Variants in MCTP2 observed in about 807,000 individuals in gnomAD.
MCTP2 encodes multiple C2 and transmembrane domain-containing protein 2.
MCTP2 carries 132 observed loss-of-function variants against 111.6 expected under a neutral mutation model. The ratio of observed to expected loss-of-function variants is 1.18; its 90% CI spans 1.03 to 1.37. The LOEUF (loss-of-function observed/expected upper bound fraction) is 1.37. Among genes scored for constraint, MCTP2 ranks in the 40% most tolerant of loss-of-function variants. The pLI, the probability that MCTP2 is intolerant of heterozygous loss-of-function variation, is 0.00. For missense variants in MCTP2, 1,183 were observed against 1,067.9 expected (o/e 1.11, Z -1.50); for synonymous variants, 395 against 387.7 (o/e 1.02, Z -0.22).
chr15:94,394,260 G>A (rs1379254762), intron 14 of MCTP2, among the ~76,000 whole-genome samples: 1 of 151,894 alleles, frequency 6.6e-6, no homozygotes, highest in Admixed American at 6.6e-5. Context: ...CTTTGTTGCT[G>A]AAGTGAAGAT....
At chr15:94,321,877 T>C (rs902117991) in intron 4 of MCTP2, among the ~76,000 whole-genome samples, 2 of 152,192 alleles carry the variant, frequency 1.3e-5, no homozygotes, top group African/African-American at 4.8e-5. Flanking sequence ...TATAATAAGG[T>C]AAGCTAGAGA....
At chr15:94,329,388 A>G (rs1200273342) in intron 4 of MCTP2, among the ~76,000 whole-genome samples, 1 of 152,182 alleles carries the variant, frequency 6.6e-6, no homozygotes, top group East Asian at 1.9e-4. Flanking sequence ...CTGAGACTGG[A>G]TAATTTATAA....
intron 17 of MCTP2, among the ~76,000 whole-genome samples, chr15:94,432,577 A>G (rs2083253758): frequency 6.6e-6 from 1 of 152,186 alleles, no homozygotes; most frequent in Admixed American, 6.5e-5. Flanking sequence ...ATTTTGTATG[A>G]ACAACCATAA....
intron 22 of MCTP2, 76 bp downstream of exon 22, chr15:94,476,869 G>C: frequency 1.2e-6 from 1 of 843,840 alleles, no homozygotes; most frequent in East Asian, 2.5e-5. Flanking sequence ...AGGAACACAA[G>C]GCTTTGCTTG....
chr15:94,402,958 T>C (rs1374860500), intron 17 of MCTP2: 1 of 1,027,296 alleles, frequency 9.7e-7, no homozygotes, highest in Non-Finnish European at 1.2e-6. Context: ...ATGTTCTCTC[T>C]TAGCCAACAG....
At chr15:94,333,747 G>T (rs143796409) in intron 4 of MCTP2, among the ~76,000 whole-genome samples, 1 of 152,256 alleles carries the variant, frequency 6.6e-6, no homozygotes, top group African/African-American at 2.4e-5. Context: ...TTTATTAATT[G>T]TATCTCCAAA....
At position 94,476,649 on chromosome 15, in the gene MCTP2, T is replaced by TAGAC. The variant is rs753349952; in HGVS notation, c.2471-35_2471-32dup. 4,609 of 735,804 alleles carry TAGAC rather than the reference T, an allele frequency of 6.3e-3. 50 individuals are homozygous for TAGAC. Among genetic ancestry groups the TAGAC allele is most frequent in the African/African-American group, 0.04 (1,846 of 45,768 alleles). 45.6% of individuals were successfully genotyped at this position (735,804 alleles called of 1,614,324 possible). On this transcript the variant is annotated intron_variant, in intron 21 of 22. Transcript: ENST00000357742. Reference sequence around the variant, plus strand: ...ATAGATAGATAGATAGATAGATAGATAGACAGACAGACAGATAAAGAGATC... The same window carrying TAGAC: ...ATAGATAGATAGATAGATAGATAGATAGACAGACAGACAGACAGATAAAGAGATC...
At chr15:94,364,250 G>A (rs781328663) in intron 10 of MCTP2, among the ~76,000 whole-genome samples, 3 of 151,974 alleles carry the variant, frequency 2.0e-5, no homozygotes, top group Non-Finnish European at 4.4e-5. Flanking sequence ...TGGTACAAGG[G>A]CTGATTTTAG....
chr15:94,257,566 G>GTTGTTTTTTTTTTTTTTT (rs1301074390), intron 1 of MCTP2, among the ~76,000 whole-genome samples: 2 of 73,004 alleles, frequency 2.7e-5, no homozygotes, highest in Non-Finnish European at 5.3e-5. Context: ...CATTTTCTTT[G>GTTGTTTTTTTTTTTTTTT]TTGTTTTTTT....
chr15:94,458,451 G>A (rs537569103), intron 20 of MCTP2, among the ~76,000 whole-genome samples: 10 of 152,254 alleles, frequency 6.6e-5, no homozygotes, highest in African/African-American at 2.2e-4. Flanking sequence ...TGACCATACG[G>A]CCCAGTTTAT....
At chr15:94,243,747 A>C (rs1453359275) in intron 1 of MCTP2, among the ~76,000 whole-genome samples, 1 of 148,124 alleles carries the variant, frequency 6.8e-6, no homozygotes, top group East Asian at 2.0e-4. Context: ...ACATATATGT[A>C]TACACATGCA....
At chr15:94,232,235 C>A (rs1212991680) in intron 1 of MCTP2, among the ~76,000 whole-genome samples, 1 of 152,114 alleles carries the variant, frequency 6.6e-6, no homozygotes, top group Non-Finnish European at 1.5e-5. Flanking sequence ...GCAATTAGTT[C>A]CCTCCTGCAC....
intron 21 of MCTP2, among the ~76,000 whole-genome samples, chr15:94,473,469 C>G (rs2074094658): frequency 6.6e-6 from 1 of 152,198 alleles, no homozygotes; most frequent in African/African-American, 2.4e-5. Context: ...CTTTAGGAAA[C>G]ATTATCTACT....
intron 1 of MCTP2, among the ~76,000 whole-genome samples, chr15:94,243,132 G>T (rs1300102051): frequency 1.4e-5 from 2 of 144,082 alleles, no homozygotes; most frequent in Admixed American, 6.8e-5. Flanking sequence ...TGTATCTACG[G>T]GTGTGGATAT....
intron 1 of MCTP2, among the ~76,000 whole-genome samples, chr15:94,244,973 CA>C (rs2071676811): frequency 9.1e-6 from 1 of 110,314 alleles, no homozygotes; most frequent in Non-Finnish European, 2.1e-5. Flanking sequence ...TATATGTATA[CA>C]CATACATATG....
rs1243690813 is a variant in MCTP2, at chr15:94,298,932, CCTCTCCCT to C, written c.465+238_465+245del. Among the ~76,000 whole-genome samples the C allele has an allele frequency of 5.8e-3, 66 of 11,388 alleles. 3 individuals carry two copies. The highest frequency in any genetic ancestry group is 0.035 in the African/African-American group (58 of 1,638). 7.5% of individuals were successfully genotyped at this position (11,388 alleles called of 152,430 possible). A position where few individuals can be genotyped will look rare whatever the true frequency, so the allele number is the denominator to read the frequency against. ...CTCCCTCCCTCCCTCTCCCTCTTTC[CCTCTCCCT>C]CTCTCCCTCTCTCCCTCTCTCCCTC... On this transcript the variant is annotated intron_variant, in intron 2 of 22. Coordinates refer to ENST00000357742, the MANE Select transcript of MCTP2 (RefSeq NM_001385001.1).
intron 1 of MCTP2, among the ~76,000 whole-genome samples, chr15:94,283,462 A>C (rs562369668): frequency 1.1e-4 from 17 of 152,080 alleles, no homozygotes; most frequent in Middle Eastern, 3.4e-3. Flanking sequence ...ATCTGGGAAG[A>C]TCTCCCTGCC....
rs117414141 is a variant in MCTP2 at position 94,440,187 on chromosome 15, C to T, written c.2097C>T (p.Ile699=). Residue 699 remains isoleucine, a synonymous_variant, in exon 18 of 23, where the codon ATC becomes ATT. Coordinates refer to ENST00000357742, the MANE Select transcript of MCTP2 (RefSeq NM_001385001.1). ...TGTCTTTCAATCAGGTATTTTTGAT[C>T]ACTGTCTGGAATTTTGAACTATATA... ...RSTIAFAVFL[I]TVWNFELYMI... The T allele has an allele frequency of 4.6e-5, 74 of 1,613,578 alleles. No homozygotes were observed. Among genetic ancestry groups the T allele is most frequent in the Non-Finnish European group, 5.6e-5 (66 of 1,179,742 alleles).
chr15:94,397,184 A>T (rs562785265), intron 14 of MCTP2, among the ~76,000 whole-genome samples: 6 of 152,326 alleles, frequency 3.9e-5, no homozygotes, highest in South Asian at 4.1e-4. Context: ...ATTCTATCTC[A>T]GGCTTTGATG....
Sources: gnomAD v4.1 joint callset for allele counts (sites outside exome capture counted in the v4.1 genomes callset) on GRCh38, gnomAD v4.1.1 for gene constraint, MANE v1.5 for transcripts, NCBI Gene and HGNC (gene_info 2026-07-23, HGNC 2026-07-21) for gene names.